The following FAM186A variants were observed in gnomAD, a reference collection of about 807,000 sequenced individuals.
FAM186A encodes the protein family with sequence similarity 186 member A, also known as protein FAM186A.
Under a neutral mutation model 216.8 loss-of-function variants are expected in FAM186A, and 163 were observed. The observed-to-expected ratio is 0.75, with a 90% CI of 0.66 to 0.86. The LOEUF (loss-of-function observed/expected upper bound fraction) is 0.86. Ranked by LOEUF, FAM186A falls within the 40% of genes least tolerant of loss-of-function variation. The pLI, the probability that FAM186A is intolerant of heterozygous loss-of-function variation, is 0.00. For missense variants in FAM186A, 2,184 were observed against 2,746.2 expected, an observed-to-expected ratio of 0.80 and a Z score of 4.58; for synonymous variants, 805 against 1,025.3, an observed-to-expected ratio of 0.79 and a Z score of 4.10.
At chr12:50,368,198 T>C (rs545480351) in intron 1 of FAM186A, among the ~76,000 whole-genome samples, 1 of 151,476 alleles carries the variant, frequency 6.6e-6, no homozygotes, top group South Asian at 2.1e-4. Context: ...GGTCAGGAGT[T>C]CGTGACAAGC....
chr12:50,366,014 G>C lies in FAM186A; in HGVS notation c.193-2650C>G, dbSNP rs143802231. On this transcript the variant is annotated intron_variant, in intron 1 of 7. Transcript: ENST00000327337. The stretch of plus-strand genomic sequence containing the variant: ...AAGACCGCAAAAAGATCCTTGAACA[G>C]AAAGCCAAATCTCGCCAAGTAGGAA... The C allele has an allele frequency of 1.0e-4, 76 of 763,388 alleles. No individual in the cohort carries two copies. In the East Asian group the frequency reaches 1.8e-3, roughly 18 times the overall value. The allele number at this position is 763,388 out of a possible 1,614,324, so 47.3% of individuals were successfully genotyped here.
rs757256406 is a variant in FAM186A at position 50,331,771 on chromosome 12, G to A, written c.6747C>T (p.Ile2249=). ...LNLSQPIPLI[I]EEKQIPASTT... is the part of the protein sequence containing the mutation. Reference sequence around the variant, plus strand: ...TAGAGGCAGGTATCTGCTTTTCTTCGATGATTAAGGGGATAGGTTGACTAA... The same window carrying A: ...TAGAGGCAGGTATCTGCTTTTCTTCAATGATTAAGGGGATAGGTTGACTAA... The change falls in exon 6 of 8, where the codon ATC becomes ATT. Residue 2249 remains isoleucine, a synonymous_variant. Coordinates refer to ENST00000327337, the MANE Select transcript of FAM186A (RefSeq NM_001145475.3). 2.8e-5 allele frequency: 43 copies of A among 1,549,010 alleles called. No homozygotes were observed. Among genetic ancestry groups the A allele is most frequent in the South Asian group, 2.6e-4 (22 of 83,292 alleles).
At chr12:50,344,056 ATT>A (rs58651736) in intron 4 of FAM186A, among the ~76,000 whole-genome samples, 3 of 112,166 alleles carry the variant, frequency 2.7e-5, no homozygotes, top group African/African-American at 3.2e-5. Context: ...CAGCCAGTCT[ATT>A]TTTTTTTTTT....
At chr12:50,390,236 T>C (rs1322661854) in intron 1 of FAM186A, among the ~76,000 whole-genome samples, 1 of 152,142 alleles carries the variant, frequency 6.6e-6, no homozygotes, top group African/African-American at 2.4e-5. Context: ...CCCCAAAAGG[T>C]CTGATTATTT....
intron 1 of FAM186A, among the ~76,000 whole-genome samples, chr12:50,395,759 T>C (rs1943406187): frequency 6.6e-6 from 1 of 151,982 alleles, no homozygotes; most frequent in African/African-American, 2.4e-5. Flanking sequence ...AGGGAACAAA[T>C]GAAAACTTTT....
chr12:50,327,843 C>T (rs564993930), intron 7 of FAM186A, among the ~76,000 whole-genome samples: 2 of 152,172 alleles, frequency 1.3e-5, no homozygotes, highest in African/African-American at 4.8e-5. Flanking sequence ...CTGTGCCTGG[C>T]CTGTAATCCA....
At chr12:50,374,141 G>A (rs1592626985) in intron 1 of FAM186A, among the ~76,000 whole-genome samples, 1 of 136,608 alleles carries the variant, frequency 7.3e-6, no homozygotes, top group African/African-American at 2.7e-5. Context: ...TCACACTCTG[G>A]GGACTGTTGT....
chr12:50,364,875 T>C (rs963556993), intron 1 of FAM186A, among the ~76,000 whole-genome samples: 5 of 151,626 alleles, frequency 3.3e-5, no homozygotes, highest in Admixed American at 3.3e-4. Context: ...CCGTCTTTAC[T>C]AAAAATACAA....
At chr12:50,333,241 A>G (rs978646217) in intron 5 of FAM186A, among the ~76,000 whole-genome samples, 14 of 152,032 alleles carry the variant, frequency 9.2e-5, no homozygotes, top group Middle Eastern at 6.8e-3. Context: ...TATTTACTAT[A>G]AGAACTCAGG....
intron 6 of FAM186A, 113 bp downstream of exon 6, chr12:50,331,557 C>T: frequency 9.5e-7 from 1 of 1,057,180 alleles, no homozygotes; most frequent in Admixed American, 3.0e-5. Flanking sequence ...CTCCTTTAGA[C>T]TCTCCATTGC....
At chr12:50,388,619 C>CAA (rs1260633038) in intron 1 of FAM186A, among the ~76,000 whole-genome samples, 35 of 92,714 alleles carry the variant, frequency 3.8e-4, no homozygotes, top group African/African-American at 7.9e-4. Context: ...AACTCCGTCT[C>CAA]AAAAAAAAAA....
chr12:50,381,534 A>T (rs371376917), intron 1 of FAM186A, among the ~76,000 whole-genome samples: 2 of 152,226 alleles, frequency 1.3e-5, no homozygotes, highest in African/African-American at 4.8e-5. Flanking sequence ...ACAGAGCAAG[A>T]TTCTGTCTCA....
intron 1 of FAM186A, among the ~76,000 whole-genome samples, chr12:50,366,859 A>G (rs1202538562): frequency 3.9e-5 from 6 of 151,936 alleles, no homozygotes; most frequent in Non-Finnish European, 7.4e-5. Context: ...CAAAAAATAA[A>G]AAATATCAGC....
At chr12:50,373,073 AAG>A (rs1211338068) in intron 1 of FAM186A, among the ~76,000 whole-genome samples, 66 of 144,018 alleles carry the variant, frequency 4.6e-4, no homozygotes, top group South Asian at 8.8e-4. Context: ...GAAAGAAAGA[AAG>A]AGAAAAGAAA....
intron 2 of FAM186A, 147 bp downstream of exon 2, chr12:50,362,998 T>G: frequency 4.4e-6 from 3 of 685,512 alleles, no homozygotes; most frequent in East Asian, 5.5e-5. Context: ...ATTTTATTCC[T>G]ACTGGAATAG....
chr12:50,353,215 GAGACCC>G lies in FAM186A; in HGVS notation c.3611_3616del (p.Arg1204_Ser1206delinsThr). 6.2e-6 allele frequency: 9 copies of G among 1,450,390 alleles called. No homozygotes were observed. The highest frequency in any genetic ancestry group is 1.5e-5 in the African/African-American group (1 of 67,828). The allele number at this position is 1,450,390 out of a possible 1,614,324, so 89.8% of individuals were successfully genotyped here. On this transcript the variant is annotated inframe_deletion, in exon 4 of 8. Coordinates refer to ENST00000327337, the MANE Select transcript of FAM186A (RefSeq NM_001145475.3). ...TTCCTGAGCCTGCTGAGGGGTGAGAGAGACCCTCAGGGCCTGGGCCTGCTGAGGGGT... is the reference window on the plus strand; with the variant it reads ...TTCCTGAGCCTGCTGAGGGGTGAGAGTCAGGGCCTGGGCCTGCTGAGGGGT...
intron 2 of FAM186A, among the ~76,000 whole-genome samples, chr12:50,361,806 G>A (rs1204598295): frequency 6.6e-6 from 1 of 151,680 alleles, no homozygotes; most frequent in Non-Finnish European, 1.5e-5. Flanking sequence ...CCTGACCTGG[G>A]GTGATCTGCC....
Position 50,355,618 on chromosome 12 carries a change from A to C in FAM186A, c.1214T>G (p.Ile405Ser), listed in dbSNP as rs1370854469. The C allele has an allele frequency of 6.4e-7, 1 of 1,551,508 alleles. No individual in the cohort carries two copies. Among genetic ancestry groups the C allele is most frequent in the East Asian group, 2.4e-5 (1 of 40,922 alleles). Reference protein sequence around the residue: ...KDSGIKWDSTISYTAQAERTP... With the variant: ...KDSGIKWDSTSSYTAQAERTP... ...TCTTTCAGCTTGGGCTGTATATGAA[A>C]TAGTGGAGTCCCATTTTATCCCAGA... Residue 405 changes from isoleucine to serine, a missense_variant, in exon 4 of 8, where the codon ATT (isoleucine) becomes AGT (serine). This residue lies in a region of FAM186A where 1,132 missense variants were observed against 1,263.4 expected (regional missense o/e 0.90). Transcript: ENST00000327337.
chr12:50,330,542 A>G (rs1403179225), intron 7 of FAM186A, 31 bp downstream of exon 7: 5 of 1,539,472 alleles, frequency 3.2e-6, no homozygotes, highest in Non-Finnish European at 3.5e-6. Flanking sequence ...CAAAGGCCCA[A>G]TTACCAGAGT....
Sources: gnomAD v4.1 joint callset for allele counts (sites outside exome capture counted in the v4.1 genomes callset) on GRCh38, gnomAD v4.1.1 for gene constraint, gnomAD v4.1.1 regional missense constraint, MANE v1.5 for transcripts, NCBI Gene and HGNC (gene_info 2026-07-23, HGNC 2026-07-21) for gene names.